The following IGSF10 variants were observed in gnomAD, a reference collection of about 807,000 sequenced individuals.
IGSF10 encodes calvaria mechanical force protein 608.
In IGSF10, 126 loss-of-function variants were observed where a neutral mutation model predicts 128.2. That is an observed-to-expected ratio of 0.98 (90% CI 0.85 to 1.14). The LOEUF (loss-of-function observed/expected upper bound fraction) is 1.14. Ranked by LOEUF, IGSF10 falls within the 50% of genes most tolerant of loss-of-function variation. The pLI is 0.00. For synonymous variants in IGSF10, 1,185 were observed against 1,146.2 expected, an observed-to-expected ratio of 1.03 and a Z score of -0.68; for missense variants, 3,295 against 3,149.8, an observed-to-expected ratio of 1.05 and a Z score of -1.10.
At chr3:151,496,768 T>G in the IGSF10 span, among the ~76,000 whole-genome samples, 1 of 151,970 alleles carries the variant, frequency 6.6e-6, no homozygotes, top group African/African-American at 2.4e-5. Flanking sequence ...ACTTCCACAA[T>G]GGTTGAACTA....
chr3:151,485,604 T>C, the IGSF10 span, among the ~76,000 whole-genome samples: 5 of 152,302 alleles, frequency 3.3e-5, no homozygotes, highest in African/African-American at 1.2e-4. Context: ...GTGGATCTCT[T>C]GGCAGAAACC....
chr3:151,529,314 TGAG>T, the IGSF10 span, among the ~76,000 whole-genome samples: 2 of 152,348 alleles, frequency 1.3e-5, no homozygotes, highest in East Asian at 3.9e-4. Flanking sequence ...CTGATGGCTC[TGAG>T]GAGAGCAGCG....
the IGSF10 span, among the ~76,000 whole-genome samples, chr3:151,590,117 C>A: frequency 6.6e-6 from 1 of 152,094 alleles, no homozygotes; most frequent in Non-Finnish European, 1.5e-5. Flanking sequence ...TGGCTCACTG[C>A]AGCCTCTATC....
chr3:151,477,480 ATATT>A, the IGSF10 span, among the ~76,000 whole-genome samples: 14 of 152,316 alleles, frequency 9.2e-5, no homozygotes, highest in Non-Finnish European at 1.3e-4. Flanking sequence ...AATTCACAAA[ATATT>A]TAGAAGTTTT....
chr3:151,519,975 A>G, the IGSF10 span, among the ~76,000 whole-genome samples: 1 of 151,820 alleles, frequency 6.6e-6, no homozygotes, highest in Non-Finnish European at 1.5e-5. Flanking sequence ...GGTTTTGAGA[A>G]TTCTAAAAGT....
chr3:151,595,425 T>G, the IGSF10 span, among the ~76,000 whole-genome samples: 27 of 151,340 alleles, frequency 1.8e-4, no homozygotes, highest in African/African-American at 6.3e-4. Context: ...CCAAACATTC[T>G]TAAAATTAAA....
chr3:151,439,550 G>A (rs1347858920), intron 7 of IGSF10, among the ~76,000 whole-genome samples: 12 of 149,904 alleles, frequency 8.0e-5, no homozygotes, highest in Admixed American at 1.3e-4. Context: ...GGAGGCTGGG[G>A]TTGCAGTGAG....
the IGSF10 span, among the ~76,000 whole-genome samples, chr3:151,472,702 A>G: frequency 1.3e-5 from 2 of 152,150 alleles, no homozygotes; most frequent in East Asian, 3.9e-4. Context: ...ATTCTGATAT[A>G]ACTAAGTACT....
chr3:151,442,779 C>A (rs1720937243), intron 7 of IGSF10, among the ~76,000 whole-genome samples: 2 of 152,066 alleles, frequency 1.3e-5, no homozygotes, highest in African/African-American at 4.8e-5. Context: ...GAAGTTGACC[C>A]TTTGAGTTAA....
chr3:151,447,675 GGCATA>G lies in IGSF10; in HGVS notation c.2301_2305del (p.Met768ArgfsTer23), dbSNP rs1560177929. The G allele has an allele frequency of 6.2e-7, 1 of 1,614,108 alleles. No individual in the cohort carries two copies. Among genetic ancestry groups the G allele is most frequent in the South Asian group, 1.1e-5 (1 of 91,076 alleles). On this transcript the variant is annotated frameshift_variant, in exon 6 of 8. Coordinates refer to ENST00000282466, the MANE Select transcript of IGSF10 (RefSeq NM_178822.5). LOFTEE classifies it high-confidence loss of function. ...CACTGTGGTATTTTCTCGCTTGTCTGGCATAGCATTCTTTTTAGCTTTCTCCAACA... is the reference window on the plus strand; with the variant it reads ...CACTGTGGTATTTTCTCGCTTGTCTGGCATTCTTTTTAGCTTTCTCCAACA...
chr3:151,618,497 G>A, the IGSF10 span, among the ~76,000 whole-genome samples: 5 of 152,242 alleles, frequency 3.3e-5, no homozygotes, highest in South Asian at 4.2e-4. Flanking sequence ...TTGGGAGGCC[G>A]AGGCGGGTGG....
the IGSF10 span, among the ~76,000 whole-genome samples, chr3:151,503,449 A>G: frequency 2.0e-5 from 3 of 152,204 alleles, no homozygotes; most frequent in African/African-American, 4.8e-5. Context: ...TGGAATTTCT[A>G]GAAGTAAAAT....
chr3:151,548,405 C>G, the IGSF10 span, among the ~76,000 whole-genome samples: 85 of 152,280 alleles, frequency 5.6e-4, no homozygotes, highest in African/African-American at 2.0e-3. Context: ...GCTGAAGTCA[C>G]AGACATTGTG....
intron 3 of IGSF10, among the ~76,000 whole-genome samples, chr3:151,457,824 T>G (rs1374956213): frequency 6.6e-6 from 1 of 152,222 alleles, no homozygotes; most frequent in African/African-American, 2.4e-5. Context: ...CTTTGTATGC[T>G]CTATTAGTTT....
the IGSF10 span, among the ~76,000 whole-genome samples, chr3:151,576,028 C>A: frequency 2.6e-5 from 4 of 151,930 alleles, no homozygotes; most frequent in Non-Finnish European, 5.9e-5. Context: ...TTATTTTGAA[C>A]TTTGACATCT....
the IGSF10 span, among the ~76,000 whole-genome samples, chr3:151,578,750 T>C: frequency 2.8e-3 from 432 of 152,244 alleles, 1 homozygote; most frequent in Non-Finnish European, 5.1e-3. Flanking sequence ...TGAAGACCCA[T>C]TGGAGCTAGG....
chr3:151,600,153 GTTCA>G, the IGSF10 span, among the ~76,000 whole-genome samples: 1 of 151,984 alleles, frequency 6.6e-6, no homozygotes, highest in African/African-American at 2.4e-5. Flanking sequence ...AAGTTTTAAA[GTTCA>G]TTCATATTGG....
the IGSF10 span, among the ~76,000 whole-genome samples, chr3:151,594,910 C>A: frequency 6.6e-6 from 1 of 151,000 alleles, no homozygotes; most frequent in Non-Finnish European, 1.5e-5. Flanking sequence ...TATTATGTAC[C>A]AATAAAGATT....
chr3:151,544,433 C>T, the IGSF10 span, among the ~76,000 whole-genome samples: 1 of 152,194 alleles, frequency 6.6e-6, no homozygotes, highest in Non-Finnish European at 1.5e-5. Flanking sequence ...ACCTCTAAAG[C>T]TTTTCAAGAA....
Sources: gnomAD v4.1 joint callset for allele counts (sites outside exome capture counted in the v4.1 genomes callset) on GRCh38, gnomAD v4.1.1 for gene constraint, MANE v1.5 for transcripts, NCBI Gene and HGNC (gene_info 2026-07-23, HGNC 2026-07-21) for gene names.